The following CHRM2 variants were observed in gnomAD, a reference collection of about 807,000 sequenced individuals.
The protein encoded by CHRM2 is muscarinic acetylcholine receptor M2.
CHRM2 carries 8 observed loss-of-function variants against 25.0 expected under a neutral mutation model. The observed-to-expected ratio is 0.32, with a 90% confidence interval of 0.19 to 0.58. The LOEUF is 0.58. Ranked by LOEUF, CHRM2 falls within the 20% of genes least tolerant of loss-of-function variation. The probability of loss-of-function intolerance (pLI) is 0.88; values close to 1 mark genes in which losing one functional copy is unlikely to be tolerated. For missense variants in CHRM2, 440 were observed against 567.1 expected (o/e 0.78, Z 2.28); for synonymous variants, 202 against 205.7 (o/e 0.98, Z 0.15).
Position 136,869,281 on chromosome 7 carries a change from G to C in CHRM2, c.-262G>C, listed in dbSNP as rs141428785. ...GCAAGATCAAGGGAGAAAGAGAACC[G>C]GCAGCTGGCCTCGGACTCTAAGCGG... On this transcript the variant is annotated 5_prime_UTR_variant, in exon 2 of 4. Coordinates refer to ENST00000680005, the MANE Select transcript of CHRM2 (RefSeq NM_001006630.2). This position sits in a 1 kb window ranked among gnomAD's most constrained non-coding sequence, Gnocchi z 4.9. 3 of 152,538 alleles carry C rather than the reference G, an allele frequency of 2.0e-5. No individual in the cohort carries two copies. The highest frequency in any genetic ancestry group is 7.2e-5 in the African/African-American group (3 of 41,562). 9.4% of individuals were successfully genotyped at this position (152,538 alleles called of 1,614,324 possible).
At chr7:136,919,606 TTCTC>T (rs1260708717) in intron 2 of CHRM2, among the ~76,000 whole-genome samples, 1 of 152,082 alleles carries the variant, frequency 6.6e-6, no homozygotes, top group Non-Finnish European at 1.5e-5. Flanking sequence ...CTCCAGTTTA[TTCTC>T]TCTCTCCCTA....
At chr7:136,951,489 C>T (rs1407214958) in intron 2 of CHRM2, among the ~76,000 whole-genome samples, 3 of 152,160 alleles carry the variant, frequency 2.0e-5, no homozygotes, top group Non-Finnish European at 4.4e-5. Flanking sequence ...CTGCAGCTTA[C>T]GTCCCTTTTG....
chr7:136,871,161 G>C (rs1207419612), intron 2 of CHRM2: 1 of 153,386 alleles, frequency 6.5e-6, no homozygotes, highest in Non-Finnish European at 1.5e-5. Context: ...GGGTGGAGAG[G>C]GGAAGTCAGC....
intron 3 of CHRM2, among the ~76,000 whole-genome samples, chr7:136,993,977 A>G (rs1050685131): frequency 2.0e-5 from 3 of 152,180 alleles, no homozygotes; most frequent in Non-Finnish European, 4.4e-5. Flanking sequence ...CGATGTGACT[A>G]TGTTTCCACT....
intron 2 of CHRM2, among the ~76,000 whole-genome samples, chr7:136,923,222 A>G (rs1048639248): frequency 1.2e-4 from 19 of 152,004 alleles, no homozygotes; most frequent in South Asian, 1.0e-3. Context: ...AGCCGAGGTC[A>G]TAAATGATTT....
In CHRM2 at chr7:136,892,485, G is replaced by A. The variant is rs536260549; in HGVS notation, c.-125+23067G>A. ...AGAAAAAAAAAATGATTCATGGGAC[G>A]AGCAGAATGATGTTGAGTCTAAGTC... On this transcript the variant is annotated intron_variant, in intron 2 of 3. Coordinates refer to ENST00000680005, the MANE Select transcript of CHRM2 (RefSeq NM_001006630.2). Among the ~76,000 whole-genome samples the A allele has an allele frequency of 3.3e-5, 5 of 152,064 alleles. No homozygotes were observed. In the South Asian group the frequency reaches 8.3e-4, roughly 25 times the overall value.
chr7:136,921,374 C>T (rs1481320981), intron 2 of CHRM2, among the ~76,000 whole-genome samples: 1 of 152,212 alleles, frequency 6.6e-6, no homozygotes. Flanking sequence ...CATCCAAACC[C>T]GGAAGACCAT....
At chr7:136,884,806 C>T (rs1168434840) in intron 2 of CHRM2, among the ~76,000 whole-genome samples, 3 of 152,162 alleles carry the variant, frequency 2.0e-5, no homozygotes, top group Non-Finnish European at 4.4e-5. Context: ...TCTTTAGGGG[C>T]TACTCAGTGG....
intron 3 of CHRM2, among the ~76,000 whole-genome samples, chr7:137,007,889 T>C (rs1485717547): frequency 1.3e-5 from 2 of 152,118 alleles, no homozygotes; most frequent in African/African-American, 4.8e-5. Context: ...CAATTCTCTC[T>C]TTTTCTTTTT....
At chr7:136,927,225 T>A (rs1781888461) in intron 2 of CHRM2, among the ~76,000 whole-genome samples, 1 of 152,188 alleles carries the variant, frequency 6.6e-6, no homozygotes, top group South Asian at 2.1e-4. Flanking sequence ...TATTAGTTTA[T>A]CTGCAGTTCA....
At chr7:136,906,131 G>A (rs1171957959) in intron 2 of CHRM2, among the ~76,000 whole-genome samples, 6 of 148,968 alleles carry the variant, frequency 4.0e-5, no homozygotes, top group East Asian at 2.0e-4. Flanking sequence ...ATATACACAC[G>A]TTTTGTGTGT....
chr7:136,965,670 T>G (rs899143661), intron 2 of CHRM2, among the ~76,000 whole-genome samples: 2 of 152,004 alleles, frequency 1.3e-5, no homozygotes, highest in South Asian at 2.1e-4. Flanking sequence ...AAAATTAATT[T>G]GAAAACAGCT....
At chr7:136,930,797 T>C (rs970886529) in intron 2 of CHRM2, among the ~76,000 whole-genome samples, 9 of 147,962 alleles carry the variant, frequency 6.1e-5, no homozygotes, top group Non-Finnish European at 1.0e-4. Context: ...CTCAGGAGGC[T>C]GAGGCAGGAG....
At chr7:136,925,633 G>A (rs1467038295) in intron 2 of CHRM2, among the ~76,000 whole-genome samples, 1 of 151,952 alleles carries the variant, frequency 6.6e-6, no homozygotes, top group African/African-American at 2.4e-5. Flanking sequence ...AAGTAAGAGA[G>A]GATCCCACCC....
At chr7:136,959,162 A>T (rs1800910268) in intron 2 of CHRM2, among the ~76,000 whole-genome samples, 1 of 152,202 alleles carries the variant, frequency 6.6e-6, no homozygotes, top group Non-Finnish European at 1.5e-5. Flanking sequence ...ATCCTCTAAT[A>T]GTGCTCTCTA....
intron 2 of CHRM2, among the ~76,000 whole-genome samples, chr7:136,953,054 T>A (rs1298903615): frequency 6.6e-6 from 1 of 152,204 alleles, no homozygotes; most frequent in Non-Finnish European, 1.5e-5. Context: ...GCATGTGTCT[T>A]TATGATAGAA....
chr7:137,017,120 T>C lies in CHRM2; in HGVS notation c.*854T>C, dbSNP rs1805233908. The C allele has an allele frequency of 6.6e-6, 1 of 152,432 alleles. No individual in the cohort carries two copies. 9.4% of individuals were successfully genotyped at this position (152,432 alleles called of 1,614,324 possible). A position where few individuals can be genotyped will look rare whatever the true frequency, so the allele number is the denominator to read the frequency against. The stretch of plus-strand genomic sequence containing the variant: ...TGCGAAATGTTTAAACCAATCTGAT[T>C]TTCTCCTAAATAGCCTTTTATATCA... On this transcript the variant is annotated 3_prime_UTR_variant, in exon 4 of 4. Transcript: ENST00000680005.
intron 2 of CHRM2, among the ~76,000 whole-genome samples, chr7:136,906,734 G>T (rs1797573088): frequency 6.6e-6 from 1 of 151,686 alleles, no homozygotes; most frequent in African/African-American, 2.4e-5. Context: ...TCACTTTAAG[G>T]TCAGTGGTCC....
At chr7:136,927,348 A>C (rs1281076976) in intron 2 of CHRM2, among the ~76,000 whole-genome samples, 2 of 152,106 alleles carry the variant, frequency 1.3e-5, no homozygotes, top group African/African-American at 4.8e-5. Flanking sequence ...ACCTTAGATA[A>C]ATTGTTGAGC....
Sources: gnomAD v4.1 joint callset for allele counts (sites outside exome capture counted in the v4.1 genomes callset) on GRCh38, gnomAD v4.1.1 for gene constraint, Gnocchi (gnomAD v3.1) non-coding constraint, MANE v1.5 for transcripts, NCBI Gene and HGNC (gene_info 2026-07-23, HGNC 2026-07-21) for gene names.